ENO4: variants seen among roughly 807,000 people sequenced by gnomAD.
The protein encoded by ENO4 is 2-phospho-D-glycerate hydro-lyase.
A neutral mutation model predicts 63.2 loss-of-function variants in ENO4; 53 were observed. The observed-to-expected ratio is 0.84, with a 90% CI of 0.67 to 1.05. The LOEUF is 1.05. Ranked by LOEUF, ENO4 falls within the 50% of genes least tolerant of loss-of-function variation. The pLI is 0.00. For synonymous variants in ENO4, 266 were observed against 283.8 expected, an observed-to-expected ratio of 0.94 and a Z score of 0.63; for missense variants, 719 against 772.0, an observed-to-expected ratio of 0.93 and a Z score of 0.81.
At chr10:116,877,627 T>C (rs1219319202) in intron 11 of ENO4, among the ~76,000 whole-genome samples, 1 of 151,996 alleles carries the variant, frequency 6.6e-6, no homozygotes, top group Non-Finnish European at 1.5e-5. Flanking sequence ...CAGGGAAGCC[T>C]CGGGAGGCAG....
chr10:116,863,279 A>G (rs1215092652), intron 7 of ENO4, among the ~76,000 whole-genome samples: 1 of 151,368 alleles, frequency 6.6e-6, no homozygotes, highest in Non-Finnish European at 1.5e-5. Flanking sequence ...TTGTCCCATC[A>G]TGTTCTAAAT....
At chr10:116,868,746 T>A (rs552011958) in intron 8 of ENO4, 40 bp downstream of exon 8, 1 of 1,512,024 alleles carries the variant, frequency 6.6e-7, no homozygotes, top group Non-Finnish European at 9.0e-7. Context: ...CATATGACAC[T>A]GTCTATAAAT....
At chr10:116,883,876 T>C (rs1346140885), downstream of ENO4, 1 of 200,194 alleles carries the variant, frequency 5.0e-6, no homozygotes, top group Non-Finnish European at 1.0e-5. Flanking sequence ...CCAGCTCACA[T>C]ACAAAAGGGT....
At chr10:116,900,178 A>G (rs911975187) in intron 10 of ENO4, 7 of 198,200 alleles carry the variant, frequency 3.5e-5, no homozygotes, top group Non-Finnish European at 6.1e-5. Flanking sequence ...TTATTTAGCT[A>G]AAGAATGTCA....
intron 7 of ENO4, among the ~76,000 whole-genome samples, chr10:116,865,328 C>T (rs895006497): frequency 6.6e-6 from 1 of 152,040 alleles, no homozygotes; most frequent in Non-Finnish European, 1.5e-5. Context: ...GCTGGGGTTA[C>T]AGAGCCCAGC....
chr10:116,857,525 A>G (rs1846299229), intron 3 of ENO4, among the ~76,000 whole-genome samples: 2 of 151,986 alleles, frequency 1.3e-5, no homozygotes, highest in South Asian at 4.1e-4. Context: ...CAATGCCACA[A>G]CCCTTTGGCC....
chr10:116,893,576 G>GCACACACA (rs6144113), intron 10 of ENO4, among the ~76,000 whole-genome samples: 23 of 123,520 alleles, frequency 1.9e-4, no homozygotes, highest in African/African-American at 3.8e-4. Flanking sequence ...GCACTCATGT[G>GCACACACA]CACACACACA....
chr10:116,891,426 G>C (rs1409505859), intron 10 of ENO4, among the ~76,000 whole-genome samples: 1 of 152,172 alleles, frequency 6.6e-6, no homozygotes, highest in East Asian at 1.9e-4. Context: ...AACAAATGAC[G>C]CACAGCCGGA....
chr10:116,896,543 A>C (rs1847527899), intron 10 of ENO4, among the ~76,000 whole-genome samples: 1 of 152,184 alleles, frequency 6.6e-6, no homozygotes, highest in African/African-American at 2.4e-5. Flanking sequence ...TACATCTGCA[A>C]TGGTGGCGAA....
chr10:116,870,557 C>T (rs558500500), intron 8 of ENO4, among the ~76,000 whole-genome samples: 106 of 152,282 alleles, frequency 7.0e-4, no homozygotes, highest in Admixed American at 5.2e-4. Context: ...AGGAGGATGA[C>T]TTCAGCCTGG....
At chr10:116,901,641 A>T in intron 10 of ENO4, 1 of 1,352,166 alleles carries the variant, frequency 7.4e-7, no homozygotes, top group Non-Finnish European at 9.5e-7. Flanking sequence ...TCAAATGAAA[A>T]GAAGAAGAGA....
chr10:116,909,863 C>T (rs775269912), intron 10 of ENO4, among the ~76,000 whole-genome samples: 1 of 152,008 alleles, frequency 6.6e-6, no homozygotes, highest in African/African-American at 2.4e-5. Context: ...ACAATAGAAC[C>T]GAACACAGTG....
chr10:116,892,297 C>A (rs1411404709), intron 10 of ENO4, among the ~76,000 whole-genome samples: 9 of 152,176 alleles, frequency 5.9e-5, no homozygotes, highest in Non-Finnish European at 2.9e-5. Flanking sequence ...CAAGGAGGTT[C>A]AGGAAACCGG....
chr10:116,901,116 C>A (rs1847716083), intron 10 of ENO4: 1 of 985,332 alleles, frequency 1.0e-6, no homozygotes, highest in Non-Finnish European at 1.2e-6. Context: ...AACTAGCTGA[C>A]ATCCTGGCAA....
chr10:116,877,172 G>T (rs1239847903), intron 11 of ENO4, among the ~76,000 whole-genome samples: 4 of 151,904 alleles, frequency 2.6e-5, no homozygotes, highest in Non-Finnish European at 5.9e-5. Flanking sequence ...AACAGCAGGG[G>T]CAGAACATGT....
intron 3 of ENO4, 129 bp from the exon 4 acceptor site, chr10:116,858,861 A>C: frequency 2.1e-6 from 1 of 480,290 alleles, no homozygotes; most frequent in Non-Finnish European, 3.5e-6. Context: ...ATTAAAGTTG[A>C]TTTGTTCTTA....
chr10:116,898,499 G>T (rs1847602267), intron 10 of ENO4, among the ~76,000 whole-genome samples: 2 of 152,048 alleles, frequency 1.3e-5, no homozygotes, highest in Non-Finnish European at 1.5e-5. Flanking sequence ...TGCCTGGTCA[G>T]CCCTTTACCT....
intron 7 of ENO4, 107 bp downstream of exon 7, chr10:116,862,959 T>C (rs532945460): frequency 7.4e-6 from 6 of 808,108 alleles, no homozygotes; most frequent in South Asian, 3.2e-5. Context: ...ATATGGAGAA[T>C]GTATTTATTG....
rs773386394 is a variant in ENO4 at position 116,861,139 on chromosome 10, T to C, written c.885T>C (p.Asn295=). The C allele has an allele frequency of 3.2e-6, 5 of 1,546,832 alleles. No individual in the cohort carries two copies. In the South Asian group the frequency reaches 6.0e-5, roughly 18 times the overall value. The part of the protein sequence containing the change: ...SCGKSSSGKL[N]LMKEVICIPH... ...GGAAGTCATCATCTGGGAAGCTAAA[T>C]TTAATGAAAGAAGTGATTTGTATAC... Residue 295 remains asparagine (N), a synonymous_variant, in exon 6 of 14, where the codon AAT becomes AAC. Coordinates refer to ENST00000341276, the MANE Select transcript of ENO4 (RefSeq NM_001242699.2).
Sources: gnomAD v4.1 joint callset for allele counts (sites outside exome capture counted in the v4.1 genomes callset) on GRCh38, gnomAD v4.1.1 for gene constraint, MANE v1.5 for transcripts, NCBI Gene and HGNC (gene_info 2026-07-23, HGNC 2026-07-21) for gene names.